CYB5A: variants seen among roughly 807,000 people sequenced by gnomAD.
The protein encoded by CYB5A is cytochrome b5.
In CYB5A, 10 loss-of-function variants were observed where a neutral mutation model predicts 16.2. The ratio of observed to expected loss-of-function variants is 0.62; its 90% CI spans 0.38 to 1.04. CYB5A has a LOEUF of 1.04. Ranked by LOEUF, CYB5A falls within the 50% of genes least tolerant of loss-of-function variation. CYB5A has a pLI of 0.01. For synonymous variants in CYB5A, 62 were observed against 57.0 expected (o/e 1.09, Z -0.40); for missense variants, 161 against 165.9 (o/e 0.97, Z 0.16).
chr18:74,268,119 G>A (rs1246565768), intron 1 of CYB5A, among the ~76,000 whole-genome samples: 1 of 152,222 alleles, frequency 6.6e-6, no homozygotes, highest in Non-Finnish European at 1.5e-5. Context: ...TCGGAGCCAA[G>A]ATAGCGACGG....
intron 1 of CYB5A, among the ~76,000 whole-genome samples, chr18:74,269,033 G>A (rs747437918): frequency 4.6e-5 from 7 of 152,106 alleles, no homozygotes; most frequent in Non-Finnish European, 8.8e-5. Flanking sequence ...GTTAGCTATG[G>A]GAAAATAAAC....
In CYB5A at chr18:74,255,756, A is replaced by G. The variant is rs1981951862; in HGVS notation, c.308T>C (p.Ile103Thr). The G allele has an allele frequency of 1.2e-6, 2 of 1,612,484 alleles. No homozygotes were observed. Among genetic ancestry groups the G allele is most frequent in the Admixed American group, 1.7e-5 (1 of 60,012 alleles). ...TACCACATACCTGGAACTAGAATCA[A>G]TAGTAGTGATAAGAGTTTCCTGAAA... ...NKPPETLITT[I>T]DSSSSWWTNW... The change falls in exon 4 of 5, where the codon ATT becomes ACT. Residue 103 changes from isoleucine to threonine, a missense_variant. Transcript: ENST00000340533.
At chr18:74,259,031 C>T (rs891871013) in intron 3 of CYB5A, 2 of 152,260 alleles carry the variant, frequency 1.3e-5, no homozygotes, top group African/African-American at 4.8e-5. Context: ...GTAATCCCAG[C>T]TACTCGGGAG....
At chr18:74,265,431 G>C (rs543044479) in intron 1 of CYB5A, among the ~76,000 whole-genome samples, 26 of 152,224 alleles carry the variant, frequency 1.7e-4, no homozygotes, top group South Asian at 4.1e-4. Flanking sequence ...GAGGTGCCTA[G>C]TGGTTACCAC....
intron 1 of CYB5A, among the ~76,000 whole-genome samples, chr18:74,284,145 C>A (rs1179292742): frequency 6.7e-6 from 1 of 149,180 alleles, no homozygotes; most frequent in African/African-American, 2.5e-5. Flanking sequence ...GCAAGAGAAT[C>A]GCTTGAACTT....
rs1185794683 is a variant in CYB5A, at chr18:74,252,069, G to A, written c.*1515C>T. On this transcript the variant is annotated 3_prime_UTR_variant, in exon 5 of 5. Transcript: ENST00000340533. ...TTACATAGGTCCCTTAACAAGTGTT[G>A]TAATTTATTTTGAAATAGAAACTAC... The A allele has an allele frequency of 6.6e-6, 1 of 152,160 alleles. No homozygotes were observed. Among genetic ancestry groups the A allele is most frequent in the East Asian group, 1.9e-4 (1 of 5,204 alleles). 9.4% of individuals were successfully genotyped at this position (152,160 alleles called of 1,614,324 possible). A position where few individuals can be genotyped will look rare whatever the true frequency, so the allele number is the denominator to read the frequency against.
At chr18:74,288,891 G>T (rs142885728) in intron 1 of CYB5A, among the ~76,000 whole-genome samples, 1 of 152,320 alleles carries the variant, frequency 6.6e-6, no homozygotes, top group African/African-American at 2.4e-5. Context: ...TCCATAAGAG[G>T]TCGAATCGGG....
Position 74,255,759 on chromosome 18 carries a change from G to C in CYB5A, c.305C>G (p.Thr102Ser), listed in dbSNP as rs1229723566. ...CACATACCTGGAACTAGAATCAATA[G>C]TAGTGATAAGAGTTTCCTGAAACAC... is the stretch of plus-strand genomic sequence containing the variant. Reference protein sequence around the residue: ...LNKPPETLITTIDSSSSWWTN... With the variant: ...LNKPPETLITSIDSSSSWWTN... The change falls in exon 4 of 5, where the codon ACT (threonine) becomes AGT (serine). Residue 102 changes from threonine (T) to serine (S), a missense_variant. Transcript: ENST00000340533. 1 of 1,612,408 alleles carries C rather than the reference G, an allele frequency of 6.2e-7. No individual in the cohort carries two copies. Among genetic ancestry groups the C allele is most frequent in the South Asian group, 1.1e-5 (1 of 91,056 alleles).
intron 2 of CYB5A, among the ~76,000 whole-genome samples, chr18:74,261,948 GGACGGAGCCA>G (rs1982218579): frequency 6.6e-6 from 1 of 152,170 alleles, no homozygotes; most frequent in Non-Finnish European, 1.5e-5. Context: ...TGGGAAGGCA[GGACGGAGCCA>G]GGCACTCCCA....
rs1329194172 is a variant in CYB5A at position 74,255,749 on chromosome 18, A to G, written c.315T>C (p.Ser105=). Residue 105 remains serine (S), a synonymous_variant, in exon 4 of 5, where the codon TCT becomes TCC. Transcript: ENST00000340533. ...PPETLITTID[S]SSSWWTNWVI... ...AGAAAGCTACCACATACCTGGAACT[A>G]GAATCAATAGTAGTGATAAGAGTTT... The G allele has an allele frequency of 1.9e-6, 3 of 1,612,812 alleles. No homozygotes were observed. The Admixed American group carries it at 5.0e-5, about 27-fold the overall frequency.
At chr18:74,284,840 G>A (rs1421044256) in intron 1 of CYB5A, among the ~76,000 whole-genome samples, 1 of 152,112 alleles carries the variant, frequency 6.6e-6, no homozygotes, top group Non-Finnish European at 1.5e-5. Context: ...GAATTCTACG[G>A]ATGTAAGAAA....
Position 74,251,021 on chromosome 18 carries a change from T to C in CYB5A, c.*2563A>G, listed in dbSNP as rs111247033. 1 of 151,700 alleles carries C rather than the reference T, an allele frequency of 6.6e-6. No individual in the cohort carries two copies. Among genetic ancestry groups the C allele is most frequent in the Non-Finnish European group, 1.5e-5 (1 of 67,966 alleles). The allele number at this position is 151,700 out of a possible 1,614,324, so 9.4% of individuals were successfully genotyped here. On this transcript the variant is annotated 3_prime_UTR_variant, in exon 5 of 5. Coordinates refer to ENST00000340533, the MANE Select transcript of CYB5A (RefSeq NM_148923.4). ...CGTCTCTACTAAAAATACAAAAAAATTAGCTAGGCATGGTGGCATACGCCT... is the reference window on the plus strand; with the variant it reads ...CGTCTCTACTAAAAATACAAAAAAACTAGCTAGGCATGGTGGCATACGCCT...
intron 1 of CYB5A, among the ~76,000 whole-genome samples, chr18:74,267,182 A>G (rs1982476628): frequency 6.6e-6 from 1 of 151,232 alleles, no homozygotes; most frequent in Non-Finnish European, 1.5e-5. Flanking sequence ...TTTGAGACGG[A>G]GTCTCGCTGT....
At chr18:74,280,826 G>A (rs542132640) in intron 1 of CYB5A, among the ~76,000 whole-genome samples, 80 of 152,174 alleles carry the variant, frequency 5.3e-4, no homozygotes, top group African/African-American at 1.8e-3. Context: ...ATGGACATAC[G>A]TATGTGTCCC....
chr18:74,280,423 G>A (rs868789167), intron 1 of CYB5A, among the ~76,000 whole-genome samples: 23 of 147,802 alleles, frequency 1.6e-4, no homozygotes, highest in East Asian at 1.3e-3. Flanking sequence ...AAAAAAAAAA[G>A]GGAAATTAGC....
chr18:74,291,546 C>A (rs1053334205), intron 1 of CYB5A, among the ~76,000 whole-genome samples: 2 of 146,722 alleles, frequency 1.4e-5, no homozygotes, highest in African/African-American at 5.0e-5. Context: ...GGACTTGGGG[C>A]GGTGGGGGGC....
At chr18:74,283,429 G>A (rs529696433) in intron 1 of CYB5A, among the ~76,000 whole-genome samples, 13 of 152,264 alleles carry the variant, frequency 8.5e-5, no homozygotes, top group African/African-American at 2.4e-4. Flanking sequence ...AACTGAGGCC[G>A]TGAAGACTCC....
chr18:74,286,024 G>A (rs1002670757), intron 1 of CYB5A, among the ~76,000 whole-genome samples: 15 of 152,162 alleles, frequency 9.9e-5, no homozygotes, highest in African/African-American at 3.6e-4. Context: ...AGGAGTTACT[G>A]AAATTCAGGA....
intron 1 of CYB5A, among the ~76,000 whole-genome samples, chr18:74,268,770 G>T (rs560202416): frequency 2.0e-5 from 3 of 152,166 alleles, no homozygotes; most frequent in South Asian, 2.1e-4. Flanking sequence ...CTGAATGGAA[G>T]ATGGGGCCAA....
Sources: allele counts gnomAD v4.1 joint callset (sites outside exome capture counted in the v4.1 genomes callset), GRCh38; gene constraint gnomAD v4.1.1; transcripts MANE v1.5; gene names NCBI Gene and HGNC (gene_info 2026-07-23, HGNC 2026-07-21).